Variants in TOP1MT observed in about 807,000 individuals in gnomAD.
The protein encoded by TOP1MT is DNA topoisomerase I mitochondrial.
A neutral mutation model predicts 73.9 loss-of-function variants in TOP1MT; 80 were observed. That is an observed-to-expected ratio of 1.08 (90% CI 0.90 to 1.30). TOP1MT has a LOEUF of 1.30. TOP1MT is among the 50% of genes most tolerant of loss of function. TOP1MT has a pLI of 0.00. For synonymous variants in TOP1MT, 338 were observed against 326.4 expected, an observed-to-expected ratio of 1.04 and a Z score of -0.38; for missense variants, 815 against 808.0, an observed-to-expected ratio of 1.01 and a Z score of -0.10.
At chr8:143,318,156 A>G (rs1198564584) in intron 8 of TOP1MT, 70 bp from the exon 9 acceptor site, 1 of 1,480,944 alleles carries the variant, frequency 6.8e-7, no homozygotes, top group Non-Finnish European at 9.4e-7. Flanking sequence ...AAGGGCGTCT[A>G]CGCAGAGCCT....
At chr8:143,309,894 C>T (rs780720209) in intron 13 of TOP1MT, 174 bp downstream of exon 13, 2 of 1,566,570 alleles carry the variant, frequency 1.3e-6, no homozygotes, top group Non-Finnish European at 1.7e-6. Flanking sequence ...ACGTTCAGGG[C>T]AGGGAGAGCT....
In TOP1MT at chr8:143,309,402, C is replaced by A. The variant is rs775341183; in HGVS notation, c.*39G>T. 2 of 1,577,002 alleles carry A rather than the reference C, an allele frequency of 1.3e-6. No individual in the cohort carries two copies. Among genetic ancestry groups the A allele is most frequent in the Non-Finnish European group, 1.7e-6 (2 of 1,150,638 alleles). On this transcript the variant is annotated 3_prime_UTR_variant, in exon 14 of 14. Transcript: ENST00000329245. Reference sequence around the variant, plus strand: ...AGTACTGCTTTAATAGTGAAAAAAACACACACACATACAAAAGAAGTTTCA... The same window carrying A: ...AGTACTGCTTTAATAGTGAAAAAAAAACACACACATACAAAAGAAGTTTCA...
chr8:143,320,882 G>A (rs1816317000), intron 8 of TOP1MT, among the ~76,000 whole-genome samples: 1 of 151,880 alleles, frequency 6.6e-6, no homozygotes, highest in African/African-American at 2.4e-5. Flanking sequence ...GACAATAAAC[G>A]TCTGTTAAAC....
chr8:143,356,699 T>C (rs530282420), upstream of TOP1MT, among the ~76,000 whole-genome samples: 23 of 136,998 alleles, frequency 1.7e-4, no homozygotes, highest in South Asian at 4.6e-3. Flanking sequence ...GGCAGGAGAA[T>C]AGATTGAACC....
At chr8:143,355,157 G>C (rs1817387320) in intron 1 of TOP1MT, among the ~76,000 whole-genome samples, 1 of 152,222 alleles carries the variant, frequency 6.6e-6, no homozygotes, top group Non-Finnish European at 1.5e-5. Flanking sequence ...GGATGACCCA[G>C]CTCCTCACCA....
rs1044744012 is a variant in TOP1MT, at chr8:143,324,339, G to C, written c.816+146C>G. On this transcript the variant is annotated intron_variant, in intron 6 of 13. Coordinates refer to ENST00000329245, the MANE Select transcript of TOP1MT (RefSeq NM_052963.3). ...ACTCCTGGCTTTGGGGCTTGTGCCTGCTGGCACAGCATGACCTCAGCACGG... is the reference window on the plus strand; with the variant it reads ...ACTCCTGGCTTTGGGGCTTGTGCCTCCTGGCACAGCATGACCTCAGCACGG... 3.4e-5 allele frequency: 46 copies of C among 1,369,388 alleles called. No homozygotes were observed. The South Asian group carries it at 5.0e-4, about 15-fold the overall frequency. 84.8% of individuals were successfully genotyped at this position (1,369,388 alleles called of 1,614,324 possible).
chr8:143,359,539 G>A (rs1344841035), upstream of TOP1MT: 1 of 543,780 alleles, frequency 1.8e-6, no homozygotes, highest in Non-Finnish European at 2.3e-6. Context: ...CGATGAGGAG[G>A]GGTGGGGCAG....
intron 2 of TOP1MT, among the ~76,000 whole-genome samples, chr8:143,340,668 G>A (rs1360146887): frequency 6.6e-6 from 1 of 152,192 alleles, no homozygotes; most frequent in Admixed American, 6.5e-5. Flanking sequence ...GCCCCGTCCA[G>A]CTCACTCCCA....
At chr8:143,330,581 T>G (rs1002957228) in intron 2 of TOP1MT, among the ~76,000 whole-genome samples, 7 of 152,184 alleles carry the variant, frequency 4.6e-5, no homozygotes, top group African/African-American at 1.4e-4. Context: ...GGGCACAGCA[T>G]GGCGTGGGGG....
At chr8:143,323,928 A>C in intron 7 of TOP1MT, 71 bp downstream of exon 7, 2 of 1,580,936 alleles carry the variant, frequency 1.3e-6, no homozygotes, top group Non-Finnish European at 1.7e-6. Context: ...GCCACACTGC[A>C]CCATCCAACT....
intron 5 of TOP1MT, 114 bp from the exon 6 acceptor site, chr8:143,324,743 T>G: frequency 7.4e-7 from 1 of 1,342,514 alleles, no homozygotes; most frequent in East Asian, 2.3e-5. Context: ...GTGGCATGGC[T>G]CCTGACCGAG....
At chr8:143,322,478 AGGCACGC>A (rs1563759354) in intron 7 of TOP1MT, among the ~76,000 whole-genome samples, 1 of 105,452 alleles carries the variant, frequency 9.5e-6, no homozygotes, top group African/African-American at 3.8e-5. Context: ...CACGCCACAC[AGGCACGC>A]CACACGCACG....
intron 2 of TOP1MT, among the ~76,000 whole-genome samples, chr8:143,342,033 G>T (rs2130407805): frequency 7.0e-6 from 1 of 143,816 alleles, no homozygotes; most frequent in East Asian, 2.1e-4. Flanking sequence ...TAGAGACAGA[G>T]TCTCGCTGTT....
intron 11 of TOP1MT, 68 bp from the exon 12 acceptor site, chr8:143,315,889 T>C: frequency 6.2e-7 from 1 of 1,605,108 alleles, no homozygotes; most frequent in Admixed American, 1.7e-5. Context: ...CCCACACCCT[T>C]CCACACCCTA....
Position 143,325,306 on chromosome 8 carries a change from G to A in TOP1MT, c.671+40C>T, listed in dbSNP as rs771325540. 84 of 1,548,768 alleles carry A rather than the reference G, an allele frequency of 5.4e-5. No individual in the cohort carries two copies. In the East Asian group the frequency reaches 8.4e-4, roughly 16 times the overall value. ...GAAAAGCCAGCCTCACCCGGGTGGC[G>A]GGGGTCCAGTGCCCGCCTGCTGCCC... On this transcript the variant is annotated intron_variant, in intron 5 of 13. Transcript: ENST00000329245.
intron 2 of TOP1MT, among the ~76,000 whole-genome samples, chr8:143,342,713 GTTA>G (rs1194639809): frequency 0.034 from 3,603 of 104,960 alleles, 279 homozygotes; most frequent in Non-Finnish European, 0.053. Context: ...GAGTCTCGCT[GTTA>G]TTATTATTAT....
intron 1 of TOP1MT, 95 bp from the exon 2 acceptor site, chr8:143,331,434 C>T: frequency 9.5e-7 from 1 of 1,049,380 alleles, no homozygotes. Context: ...TGGCTCCTAG[C>T]AGGTGAGCAG....
chr8:143,349,134 C>T (rs1208105298), upstream of TOP1MT, among the ~76,000 whole-genome samples: 2 of 152,154 alleles, frequency 1.3e-5, no homozygotes, highest in Non-Finnish European at 2.9e-5. Flanking sequence ...CCATGAGCCT[C>T]TTCTGTTTAA....
intron 2 of TOP1MT, among the ~76,000 whole-genome samples, chr8:143,342,199 TTA>T: frequency 7.6e-5 from 1 of 13,174 alleles, no homozygotes; most frequent in African/African-American, 1.8e-4. Context: ...CTCGCTGTTA[TTA>T]TTATTATTAG....
Sources: gnomAD v4.1 joint callset for allele counts (sites outside exome capture counted in the v4.1 genomes callset) on GRCh38, gnomAD v4.1.1 for gene constraint, MANE v1.5 for transcripts, NCBI Gene and HGNC (gene_info 2026-07-23, HGNC 2026-07-21) for gene names.